RAD51: variants seen among roughly 807,000 people sequenced by gnomAD.
RAD51 encodes DNA repair protein RAD51 homolog 1.
A neutral mutation model predicts 41.5 loss-of-function variants in RAD51; 14 were observed. The observed-to-expected ratio is 0.34, with a 90% confidence interval of 0.22 to 0.53. RAD51 has a LOEUF of 0.53. Among genes scored for constraint, RAD51 ranks in the 20% least tolerant of loss-of-function variants. RAD51 has a pLI of 0.95. For synonymous variants in RAD51, 136 were observed against 148.6 expected (o/e 0.92, Z 0.62); for missense variants, 234 against 422.0 (o/e 0.55, Z 3.90).
chr15:40,695,853 G>C (rs1036439529), intron 1 of RAD51: 6 of 152,192 alleles, frequency 3.9e-5, no homozygotes, highest in African/African-American at 1.2e-4. Flanking sequence ...CCTAGAGAAT[G>C]ATCTGAAGTG....
Position 40,709,250 on chromosome 15 carries a change from A to C in RAD51, c.435+134A>C. Reference sequence around the variant, plus strand: ...AATCTTATAGCTGTTAATAGTTAGAAGATAGACTCCTACTTCAAAATCCTT... The same window carrying C: ...AATCTTATAGCTGTTAATAGTTAGACGATAGACTCCTACTTCAAAATCCTT... On this transcript the variant is annotated intron_variant, in intron 5 of 9. Coordinates refer to ENST00000267868, the MANE Select transcript of RAD51 (RefSeq NM_002875.5). 8 of 740,334 alleles carry C rather than the reference A, an allele frequency of 1.1e-5. No homozygotes were observed. The South Asian group carries it at 1.2e-4, about 11-fold the overall frequency. The allele number at this position is 740,334 out of a possible 1,614,324, so 45.9% of individuals were successfully genotyped here. A position where few individuals can be genotyped will look rare whatever the true frequency, so the allele number is the denominator to read the frequency against.
chr15:40,701,505 G>C (rs1256333335), intron 3 of RAD51, among the ~76,000 whole-genome samples: 1 of 151,052 alleles, frequency 6.6e-6, no homozygotes, highest in Non-Finnish European at 1.5e-5. Context: ...CTCCCAAGTA[G>C]CTGGGACTAC....
rs769021479 is a variant in RAD51 at position 40,728,740 on chromosome 15, A to G, written c.560A>G (p.Asp187Gly). The G allele has an allele frequency of 6.2e-7, 1 of 1,614,064 alleles. No homozygotes were observed. Among genetic ancestry groups the G allele is most frequent in the South Asian group, 1.1e-5 (1 of 91,084 alleles). The change falls in exon 7 of 10, where the codon GAT becomes GGT. Residue 187 changes from aspartate to glycine, a missense_variant. This residue lies in a region of RAD51 where 134 missense variants were observed against 286.5 expected (regional missense o/e 0.47). Coordinates refer to ENST00000267868, the MANE Select transcript of RAD51 (RefSeq NM_002875.5). ...GGTCTCTCTGGCAGTGATGTCCTGG[A>G]TAATGTAGCATATGCTCGAGCGTTC... ...RYGLSGSDVL[D>G]NVAYARAFNT...
chr15:40,703,850 A>T (rs1895153745), intron 3 of RAD51, among the ~76,000 whole-genome samples: 1 of 151,562 alleles, frequency 6.6e-6, no homozygotes, highest in Non-Finnish European at 1.5e-5. Flanking sequence ...TATTATTTCC[A>T]TCTTTCTGCT....
intron 5 of RAD51, among the ~76,000 whole-genome samples, chr15:40,717,470 A>G (rs957603): frequency 0.65 from 99,142 of 152,076 alleles, 32,987 homozygotes; most frequent in East Asian, 0.93. Context: ...ACCCTTTAGC[A>G]TCATTCACTT....
At chr15:40,716,954 G>C (rs1449281269) in intron 5 of RAD51, among the ~76,000 whole-genome samples, 1 of 152,050 alleles carries the variant, frequency 6.6e-6, no homozygotes, top group South Asian at 2.1e-4. Context: ...TAGCCACTGC[G>C]CCTGGCCTCC....
intron 5 of RAD51, among the ~76,000 whole-genome samples, chr15:40,713,731 C>T (rs761787653): frequency 3.6e-4 from 55 of 151,834 alleles, no homozygotes; most frequent in Non-Finnish European, 6.6e-4. Context: ...CTCAGCCTCC[C>T]GAGTAGCTGG....
At chr15:40,728,850 A>G (rs1567054884) in intron 7 of RAD51, 26 bp downstream of exon 7, 1 of 1,562,610 alleles carries the variant, frequency 6.4e-7, no homozygotes, top group Non-Finnish European at 8.8e-7. Context: ...AAGACACCAA[A>G]TATGTTCTTA....
chr15:40,718,955 T>G, intron 6 of RAD51, 56 bp downstream of exon 6: 1 of 1,487,644 alleles, frequency 6.7e-7, no homozygotes, highest in Non-Finnish European at 9.4e-7. Flanking sequence ...ATGTAGTGAT[T>G]GCCAGGGTTA....
intron 1 of RAD51, among the ~76,000 whole-genome samples, chr15:40,696,147 G>A (rs1007603753): frequency 6.6e-6 from 1 of 152,112 alleles, no homozygotes; most frequent in African/African-American, 2.4e-5. Flanking sequence ...CAAAGTGCTG[G>A]GATTACAGCC....
At chr15:40,728,235 G>A (rs1455396763) in intron 6 of RAD51, among the ~76,000 whole-genome samples, 2 of 152,162 alleles carry the variant, frequency 1.3e-5, no homozygotes, top group Non-Finnish European at 2.9e-5. Flanking sequence ...AGGCCAAGGT[G>A]GGCGGATTAT....
chr15:40,699,487 T>G (rs961979810), intron 2 of RAD51, among the ~76,000 whole-genome samples: 9 of 152,316 alleles, frequency 5.9e-5, no homozygotes, highest in African/African-American at 2.2e-4. Flanking sequence ...GTCTTAACTG[T>G]GTTGACCATG....
At chr15:40,703,667 A>C (rs1895141354) in intron 3 of RAD51, among the ~76,000 whole-genome samples, 1 of 152,014 alleles carries the variant, frequency 6.6e-6, no homozygotes. Context: ...GTCAGTAGTA[A>C]TGTCCCCTCT....
chr15:40,718,715 T>G (rs1415867256), intron 5 of RAD51, 90 bp from the exon 6 acceptor site: 4 of 1,150,502 alleles, frequency 3.5e-6, no homozygotes, highest in Middle Eastern at 2.1e-4. Flanking sequence ...TCCCTTTGCC[T>G]TGGAGGAATT....
Position 40,731,482 on chromosome 15 carries a change from TG to T in RAD51, c.*305del, listed in dbSNP as rs1290043522. The T allele has an allele frequency of 2.3e-4, 99 of 429,004 alleles. No homozygotes were observed. The highest frequency in any genetic ancestry group is 1.8e-3 in the African/African-American group (94 of 51,066). 26.6% of individuals were successfully genotyped at this position (429,004 alleles called of 1,614,324 possible). A position where few individuals can be genotyped will look rare whatever the true frequency, so the allele number is the denominator to read the frequency against. On this transcript the variant is annotated 3_prime_UTR_variant, in exon 10 of 10. Coordinates refer to ENST00000267868, the MANE Select transcript of RAD51 (RefSeq NM_002875.5). ...TAGGAATGACTTGGGTTTAACAAGC[TG>T]TCTACTGGACAATCTTATGTTTCCA...
intron 5 of RAD51, among the ~76,000 whole-genome samples, chr15:40,716,526 C>T (rs369089447): frequency 4.6e-5 from 7 of 151,966 alleles, no homozygotes; most frequent in Non-Finnish European, 7.4e-5. Context: ...CCACCACGCC[C>T]CACTAATTTT....
At chr15:40,715,400 T>C (rs910318021) in intron 5 of RAD51, among the ~76,000 whole-genome samples, 1 of 152,042 alleles carries the variant, frequency 6.6e-6, no homozygotes, top group African/African-American at 2.4e-5. Context: ...AAAAATCACA[T>C]ACCCTTTGAC....
At chr15:40,697,621 A>G (rs1770806637) in intron 1 of RAD51, among the ~76,000 whole-genome samples, 1 of 119,100 alleles carries the variant, frequency 8.4e-6, no homozygotes, top group South Asian at 2.6e-4. Context: ...TCTGTCGCCC[A>G]GGCTGGAGTG....
chr15:40,720,272 C>A (rs879509581), intron 6 of RAD51, among the ~76,000 whole-genome samples: 2 of 151,896 alleles, frequency 1.3e-5, no homozygotes, highest in Non-Finnish European at 2.9e-5. Context: ...TTAGAAGAGA[C>A]AGGGTTTCTC....
Sources: gnomAD v4.1 joint callset for allele counts (sites outside exome capture counted in the v4.1 genomes callset) on GRCh38, gnomAD v4.1.1 for gene constraint, gnomAD v4.1.1 regional missense constraint, MANE v1.5 for transcripts, NCBI Gene and HGNC (gene_info 2026-07-23, HGNC 2026-07-21) for gene names.